The following APC variants were observed in gnomAD, a reference collection of about 807,000 sequenced individuals.
APC encodes the protein adenomatous polyposis coli protein.
Under a neutral mutation model 247.0 loss-of-function variants are expected in APC, and 72 were observed. The ratio of observed to expected loss-of-function variants is 0.29; its 90% confidence interval spans 0.24 to 0.35. The LOEUF is 0.35. APC is among the 10% of genes least tolerant of loss of function. The pLI is 1.00. For synonymous variants in APC, 1,254 were observed against 1,162.5 expected, an observed-to-expected ratio of 1.08 and a Z score of -1.60; for missense variants, 3,400 against 3,360.7, an observed-to-expected ratio of 1.01 and a Z score of -0.29.
rs1351965456 is a variant in APC at position 112,793,769 on chromosome 5, G to A, written c.729+1240G>A. Among the ~76,000 whole-genome samples, 5 of 152,086 alleles carry A rather than the reference G, an allele frequency of 3.3e-5. No individual in the cohort carries two copies. In the East Asian group the frequency reaches 7.7e-4, roughly 23 times the overall value. On this transcript the variant is annotated intron_variant, in intron 7 of 15. Coordinates refer to ENST00000257430, the MANE Select transcript of APC (RefSeq NM_000038.6). ...AATTTCTCAGAAATTTTAACAAGGG[G>A]CTTAGTTTTCCAAAAAATTGGTCTC...
intron 4 of APC, among the ~76,000 whole-genome samples, chr5:112,770,178 G>A (rs922762404): frequency 4.6e-5 from 7 of 152,166 alleles, no homozygotes; most frequent in Admixed American, 1.3e-4. Flanking sequence ...AAATACAGCT[G>A]TAAGTGGTAA....
chr5:112,827,867 A>G (rs1276479805), intron 12 of APC, 62 bp from the exon 13 acceptor site: 4 of 1,426,990 alleles, frequency 2.8e-6, no homozygotes, highest in Non-Finnish European at 3.9e-6. Context: ...TTAGTAGCCA[A>G]AAATAAAGCT....
At chr5:112,804,467 C>G (rs868756253) in intron 8 of APC, among the ~76,000 whole-genome samples, 1 of 152,248 alleles carries the variant, frequency 6.6e-6, no homozygotes, top group South Asian at 2.1e-4. Flanking sequence ...ACTATAACCT[C>G]CACCTCCTAG....
intron 13 of APC, among the ~76,000 whole-genome samples, chr5:112,828,646 C>T (rs749297727): frequency 2.6e-5 from 4 of 152,032 alleles, no homozygotes; most frequent in Non-Finnish European, 4.4e-5. Flanking sequence ...GACAGGGTCT[C>T]ACTGTGTTAC....
In APC at chr5:112,791,633, C is replaced by T. The variant is rs375560665; in HGVS notation, c.646-813C>T. ...CCAGTCAGTAGACAAATTTCTTCCA[C>T]GAAACCAGTCCCTGGTGCCAAAAAG... On this transcript the variant is annotated intron_variant, in intron 6 of 15. Transcript: ENST00000257430. Among the ~76,000 whole-genome samples the T allele has an allele frequency of 5.1e-4, 77 of 152,238 alleles. No homozygotes were observed. In the South Asian group the frequency reaches 0.016, roughly 31 times the overall value.
At chr5:112,761,028 C>G (rs1261295978) in intron 2 of APC, among the ~76,000 whole-genome samples, 1 of 152,104 alleles carries the variant, frequency 6.6e-6, no homozygotes, top group African/African-American at 2.4e-5. Context: ...CCAGGATGGT[C>G]TTGATCTCCT....
intron 8 of APC, among the ~76,000 whole-genome samples, chr5:112,804,887 G>A (rs923928934): frequency 6.6e-6 from 1 of 152,062 alleles, no homozygotes; most frequent in Admixed American, 6.6e-5. Context: ...GAGGCCGTGT[G>A]GGAGGATCAC....
At chr5:112,711,331 C>T (rs1427298958) in intron 1 of APC, among the ~76,000 whole-genome samples, 1 of 152,150 alleles carries the variant, frequency 6.6e-6, no homozygotes, top group Non-Finnish European at 1.5e-5. Context: ...TGAAACCATC[C>T]CCCACCCAAC....
In APC at chr5:112,842,504, T is replaced by C. The variant is rs2149976053; in HGVS notation, c.6910T>C (p.Ser2304Pro). The change falls in exon 16 of 16, where the codon TCT becomes CCT. Residue 2304 changes from serine to proline, a missense_variant. Ser to Pro is a moderately conservative substitution (Grantham distance 74, BLOSUM62 -1). This residue lies in a region of APC where 1,788 missense variants were observed against 1,649.5 expected (regional missense o/e 1.08). Transcript: ENST00000257430. ...AAGTAAAGCACCTTCTAGATCAGGA[T>C]CTAGAGATTCGACCCCTTCAAGACC... ...GSSKAPSRSG[S>P]RDSTPSRPAQ... is the part of the protein sequence containing the mutation. The C allele has an allele frequency of 1.2e-6, 2 of 1,613,990 alleles. No individual in the cohort carries two copies. The highest frequency in any genetic ancestry group is 1.7e-6 in the Non-Finnish European group (2 of 1,179,958).
At chr5:112,709,226 G>A (rs1750709302) in intron 1 of APC, among the ~76,000 whole-genome samples, 1 of 152,130 alleles carries the variant, frequency 6.6e-6, no homozygotes, top group African/African-American at 2.4e-5. Flanking sequence ...AATTTTTAAC[G>A]TGTGGGTTAT....
chr5:112,772,093 T>G (rs1488473961), intron 4 of APC, among the ~76,000 whole-genome samples: 1 of 152,202 alleles, frequency 6.6e-6, no homozygotes. Flanking sequence ...ATTTAACAAA[T>G]ATTTATTGAA....
chr5:112,715,364 T>C (rs1822163), intron 1 of APC, among the ~76,000 whole-genome samples: 8,823 of 152,180 alleles, frequency 0.058, 363 homozygotes, highest in Non-Finnish European at 0.087. Flanking sequence ...TCAGGTAGTA[T>C]ATAGATCTTG....
chr5:112,807,181 C>T (rs185480150), intron 8 of APC, among the ~76,000 whole-genome samples: 157 of 151,204 alleles, frequency 1.0e-3, no homozygotes, highest in Non-Finnish European at 1.2e-3. Flanking sequence ...GAACTACAGG[C>T]GTGCACCACC....
At chr5:112,712,516 C>T (rs1271168472) in intron 1 of APC, among the ~76,000 whole-genome samples, 1 of 151,800 alleles carries the variant, frequency 6.6e-6, no homozygotes, top group Non-Finnish European at 1.5e-5. Context: ...CCCTTAGCCT[C>T]CTGAGTAACT....
chr5:112,772,320 G>A (rs912127316), intron 4 of APC, among the ~76,000 whole-genome samples: 5 of 152,020 alleles, frequency 3.3e-5, no homozygotes, highest in African/African-American at 1.2e-4. Context: ...GAGTCACAAG[G>A]TCAACTACCA....
chr5:112,844,342 A>G lies in APC; in HGVS notation c.*216A>G. On this transcript the variant is annotated 3_prime_UTR_variant, in exon 16 of 16. Transcript: ENST00000257430. ...TCTTGATGGTTAGGAAAAAAATAGT[A>G]AAGCCAAGTATGTTTGTACAGTATG... is the stretch of plus-strand genomic sequence containing the variant. 1.8e-6 allele frequency: 1 copy of G among 569,780 alleles called. No homozygotes were observed. 35.3% of individuals were successfully genotyped at this position (569,780 alleles called of 1,614,324 possible). A position where few individuals can be genotyped will look rare whatever the true frequency, so the allele number is the denominator to read the frequency against.
At chr5:112,797,463 G>T (rs1464924468) in intron 7 of APC, among the ~76,000 whole-genome samples, 1 of 152,028 alleles carries the variant, frequency 6.6e-6, no homozygotes, top group Non-Finnish European at 1.5e-5. Context: ...ATTTTCTTTG[G>T]CTACCTGTAT....
intron 1 of APC, among the ~76,000 whole-genome samples, chr5:112,722,330 C>G (rs1295464804): frequency 6.6e-6 from 1 of 152,202 alleles, no homozygotes; most frequent in African/African-American, 2.4e-5. Context: ...TGCTCTTGCA[C>G]CACCACAACA....
At position 112,841,156 on chromosome 5, in the gene APC, C is replaced by G. The variant is rs2149943308; in HGVS notation, c.5562C>G (p.Tyr1854Ter). 1 of 1,613,758 alleles carries G rather than the reference C, an allele frequency of 6.2e-7. No homozygotes were observed. The highest frequency in any genetic ancestry group is 8.5e-7 in the Non-Finnish European group (1 of 1,179,716). The change falls in exon 16 of 16, where the codon TAC becomes TAG. Residue 1854 changes from tyrosine to a stop codon, truncating the protein, a stop_gained. Coordinates refer to ENST00000257430, the MANE Select transcript of APC (RefSeq NM_000038.6). LOFTEE classifies it high-confidence loss of function. The surrounding 1 kb of genome is among the most constrained non-coding windows in gnomAD (Gnocchi z 4.6). ...ACACGCCTATTGAAGGAACTCCTTA[C>G]TGTTTTTCACGAAATGATTCTTTGA... ...HHYTPIEGTP[Y>*]CFSRNDSLSS...
Sources: gnomAD v4.1 joint callset for allele counts (sites outside exome capture counted in the v4.1 genomes callset) on GRCh38, gnomAD v4.1.1 for gene constraint, gnomAD v4.1.1 regional missense constraint, Gnocchi (gnomAD v3.1) non-coding constraint, MANE v1.5 for transcripts, NCBI Gene and HGNC (gene_info 2026-07-23, HGNC 2026-07-21) for gene names.